The following RBFOX1 variants were observed in gnomAD, a reference collection of about 807,000 sequenced individuals.
RBFOX1 encodes the protein RNA binding fox-1 homolog 1, also known as RNA binding protein fox-1 homolog 1.
A neutral mutation model predicts 57.7 loss-of-function variants in RBFOX1; 8 were observed. That is an observed-to-expected ratio of 0.14 (90% CI 0.08 to 0.25). The LOEUF (loss-of-function observed/expected upper bound fraction) is 0.25, where lower values mean the gene tolerates loss of function less well. Ranked by LOEUF, RBFOX1 falls within the 10% of genes least tolerant of loss-of-function variation. RBFOX1 has a pLI of 1.00. For missense variants in RBFOX1, 611 were observed against 548.5 expected (o/e 1.11, Z -1.14); for synonymous variants, 326 against 222.4 (o/e 1.47, Z -4.15).
At chr16:5,250,234 T>G (rs1239633865) in intron 1 of RBFOX1, among the ~76,000 whole-genome samples, 1 of 152,100 alleles carries the variant, frequency 6.6e-6, no homozygotes, top group Non-Finnish European at 1.5e-5. Context: ...CTGGGGAGGG[T>G]TGGGGTATAC....
chr16:6,251,141 A>G (rs2097607485), intron 1 of RBFOX1, among the ~76,000 whole-genome samples: 1 of 152,176 alleles, frequency 6.6e-6, no homozygotes, highest in African/African-American at 2.4e-5. Context: ...TTCACTCCTC[A>G]CAACAACCCT....
intron 4 of RBFOX1, among the ~76,000 whole-genome samples, chr16:7,283,543 G>T (rs1030797716): frequency 6.6e-6 from 1 of 151,978 alleles, no homozygotes; most frequent in Non-Finnish European, 1.5e-5. Flanking sequence ...CTCTGTGTTG[G>T]CCAGGGAAAC....
intron 2 of RBFOX1, among the ~76,000 whole-genome samples, chr16:6,586,889 A>C (rs1364319117): frequency 6.6e-6 from 1 of 152,240 alleles, no homozygotes; most frequent in Admixed American, 6.5e-5. Flanking sequence ...AACATTAAAA[A>C]ATTGACACTA....
intron 1 of RBFOX1, among the ~76,000 whole-genome samples, chr16:6,311,859 C>T (rs1182196406): frequency 6.6e-6 from 1 of 152,138 alleles, no homozygotes; most frequent in South Asian, 2.1e-4. Context: ...GTGATGGGCA[C>T]TAACCTCTCT....
intron 5 of RBFOX1, among the ~76,000 whole-genome samples, chr16:7,545,208 T>A (rs2084092167): frequency 6.6e-6 from 1 of 152,148 alleles, no homozygotes; most frequent in Non-Finnish European, 1.5e-5. Context: ...AAAGTAAAGG[T>A]TGTTTTTGTG....
chr16:7,141,989 C>G (rs767888502), intron 4 of RBFOX1, among the ~76,000 whole-genome samples: 1 of 71,904 alleles, frequency 1.4e-5, no homozygotes, highest in African/African-American at 2.9e-5. Context: ...TCTCCATCTT[C>G]TCCTTCTTCT....
intron 1 of RBFOX1, among the ~76,000 whole-genome samples, chr16:5,398,927 A>G (rs2066637405): frequency 6.6e-6 from 1 of 152,286 alleles, no homozygotes; most frequent in Admixed American, 6.5e-5. Flanking sequence ...GTGAACCAGA[A>G]AGGTGGCTGC....
intron 3 of RBFOX1, among the ~76,000 whole-genome samples, chr16:6,674,955 G>C (rs145031222): frequency 0.015 from 2,261 of 152,186 alleles, 33 homozygotes; most frequent in African/African-American, 0.047. Context: ...ACCCAGGCTG[G>C]AGTGCAGTGG....
At chr16:6,969,889 G>C (rs1054351135) in intron 3 of RBFOX1, among the ~76,000 whole-genome samples, 1 of 152,176 alleles carries the variant, frequency 6.6e-6, no homozygotes, top group Non-Finnish European at 1.5e-5. Flanking sequence ...ATGCAATGTT[G>C]TGTCACTTGA....
At chr16:5,906,779 G>T (rs1269110386) in intron 4 of RBFOX1, among the ~76,000 whole-genome samples, 9 of 122,422 alleles carry the variant, frequency 7.4e-5, no homozygotes, top group Non-Finnish European at 1.6e-5. Flanking sequence ...CTGTCTTCCA[G>T]GCTGGAGTGC....
intron 2 of RBFOX1, among the ~76,000 whole-genome samples, chr16:6,338,008 A>G (rs1334674021): frequency 2.0e-5 from 3 of 152,198 alleles, no homozygotes; most frequent in Non-Finnish European, 4.4e-5. Flanking sequence ...TTTTGTTACT[A>G]TGTTTCATGA....
At chr16:7,147,438 T>G (rs1235479333) in intron 4 of RBFOX1, among the ~76,000 whole-genome samples, 2 of 152,088 alleles carry the variant, frequency 1.3e-5, no homozygotes, top group African/African-American at 2.4e-5. Flanking sequence ...GGCGTAGTAC[T>G]TGGTAGACGG....
chr16:7,290,854 T>G (rs1018275044), intron 4 of RBFOX1, among the ~76,000 whole-genome samples: 3 of 152,226 alleles, frequency 2.0e-5, no homozygotes, highest in Non-Finnish European at 2.9e-5. Context: ...CTCAGCATGC[T>G]TGTGGGTAAT....
intron 4 of RBFOX1, among the ~76,000 whole-genome samples, chr16:7,071,956 TTG>T (rs1206295339): frequency 6.6e-6 from 1 of 152,174 alleles, no homozygotes; most frequent in African/African-American, 2.4e-5. Context: ...TCCTTTAGAT[TTG>T]TGATTCCTAA....
intron 4 of RBFOX1, chr16:7,304,193 G>A (rs1420640897): frequency 2.1e-6 from 2 of 966,538 alleles, no homozygotes; most frequent in East Asian, 1.2e-4. Context: ...GGAAAGAGGG[G>A]GAGAGAGACA....
At position 6,845,714 on chromosome 16, in the gene RBFOX1, A is replaced by T. The variant is rs904586037; in HGVS notation, c.-16+191064A>T. The stretch of plus-strand genomic sequence containing the variant: ...GAACGTTCCAGGCCTTGCTTCTCTG[A>T]CACAGACCCATGTACCTCCTTCCTG... On this transcript the variant is annotated intron_variant, in intron 3 of 15. Transcript: ENST00000550418. Among the ~76,000 whole-genome samples, 4 of 152,176 alleles carry T rather than the reference A, an allele frequency of 2.6e-5. No homozygotes were observed. The East Asian group carries it at 7.7e-4, about 29-fold the overall frequency.
intron 1 of RBFOX1, among the ~76,000 whole-genome samples, chr16:6,076,916 G>C (rs77341562): frequency 6.6e-6 from 1 of 151,912 alleles, no homozygotes; most frequent in African/African-American, 2.4e-5. Context: ...GGAAGCCAAT[G>C]GTCAAGTTTG....
intron 4 of RBFOX1, among the ~76,000 whole-genome samples, chr16:7,430,986 T>C (rs904587247): frequency 1.3e-5 from 2 of 152,190 alleles, no homozygotes; most frequent in Admixed American, 1.3e-4. Context: ...CTTGAATCTA[T>C]GTTGTATGGT....
In RBFOX1 at chr16:5,820,143, G is replaced by A. The variant is rs1454687680; in HGVS notation, c.319-47160G>A. Among the ~76,000 whole-genome samples, 6 of 152,210 alleles carry A rather than the reference G, an allele frequency of 3.9e-5. No individual in the cohort carries two copies. In the East Asian group the frequency reaches 1.2e-3, roughly 29 times the overall value. On this transcript the variant is annotated intron_variant, in intron 3 of 19. Transcript: ENST00000641259. ...CCACCTCTAGGAAGTGGTTGTTGCT[G>A]TCATTCCCATTTTATAGATGGAGGA...
Sources: gnomAD v4.1 joint callset for allele counts (sites outside exome capture counted in the v4.1 genomes callset) on GRCh38, gnomAD v4.1.1 for gene constraint, MANE v1.5 for transcripts, NCBI Gene and HGNC (gene_info 2026-07-23, HGNC 2026-07-21) for gene names.